Variants in ESRRG observed in about 807,000 individuals in gnomAD.
The protein encoded by ESRRG is estrogen related receptor gamma.
Under a neutral mutation model 44.0 loss-of-function variants are expected in ESRRG, and 13 were observed. That is an observed-to-expected ratio of 0.30 (90% CI 0.19 to 0.47). The LOEUF (loss-of-function observed/expected upper bound fraction) is 0.47, where lower values mean the gene tolerates loss of function less well. Ranked by LOEUF, ESRRG falls within the 20% of genes least tolerant of loss-of-function variation. ESRRG has a pLI of 1.00. For synonymous variants in ESRRG, 215 were observed against 214.6 expected, an observed-to-expected ratio of 1.00 and a Z score of -0.02; for missense variants, 395 against 580.6, an observed-to-expected ratio of 0.68 and a Z score of 3.29.
chr1:216,740,216 A>T (rs115696129), intron 2 of ESRRG, among the ~76,000 whole-genome samples: 3,336 of 152,354 alleles, frequency 0.022, 125 homozygotes, highest in African/African-American at 0.076. Context: ...AGGCTAAATC[A>T]GTTTACAAAA....
intron 1 of ESRRG, among the ~76,000 whole-genome samples, chr1:216,719,038 A>C (rs2085555182): frequency 6.6e-6 from 1 of 152,058 alleles, no homozygotes; most frequent in East Asian, 1.9e-4. Context: ...CAAAACCTTC[A>C]GTGCTTAACA....
chr1:216,926,855 G>GGAATGCTGAATGCTGAATGCT (rs545822967), intron 2 of ESRRG, among the ~76,000 whole-genome samples: 1 of 152,080 alleles, frequency 6.6e-6, no homozygotes, highest in Non-Finnish European at 1.5e-5. Context: ...AGCGCCGGGT[G>GGAATGCTGAATGCTGAATGCT]GAATGCTGAA....
At chr1:216,681,450 C>A (rs948319192) in intron 1 of ESRRG, among the ~76,000 whole-genome samples, 2 of 152,258 alleles carry the variant, frequency 1.3e-5, no homozygotes, top group East Asian at 1.9e-4. Context: ...CTGCTCCCCC[C>A]ACCCGACAAC....
intron 1 of ESRRG, chr1:216,714,425 T>TC: frequency 5.7e-6 from 1 of 174,420 alleles, no homozygotes; most frequent in Non-Finnish European, 1.1e-5. Flanking sequence ...TAGCAGGCAT[T>TC]CCCCCCACAC....
At chr1:216,880,570 A>C (rs1459626329) in intron 2 of ESRRG, among the ~76,000 whole-genome samples, 6 of 152,036 alleles carry the variant, frequency 3.9e-5, no homozygotes, top group Admixed American at 3.9e-4. Context: ...TGCATTCATA[A>C]TTTTCTAACA....
At chr1:216,904,874 G>C (rs867137439) in intron 2 of ESRRG, among the ~76,000 whole-genome samples, 1 of 152,150 alleles carries the variant, frequency 6.6e-6, no homozygotes, top group South Asian at 2.1e-4. Context: ...GCACGAAACA[G>C]AAAGTTACCC....
rs573149082 is a variant in ESRRG at position 216,762,311 on chromosome 1, T to C, written c.-13-84820A>G. 2.4e-3 allele frequency among the ~76,000 whole-genome samples: 371 copies of C among 151,994 alleles called. 1 individual carries two copies. Among genetic ancestry groups the C allele is most frequent in the African/African-American group, 8.7e-3 (360 of 41,450 alleles). ...CAAAGACTTGGAACCAACCCAAATGTCCAACAATGATAGACTGGATTAAGA... is the reference window on the plus strand; with the variant it reads ...CAAAGACTTGGAACCAACCCAAATGCCCAACAATGATAGACTGGATTAAGA... On this transcript the variant is annotated intron_variant, in intron 2 of 7. Transcript: ENST00000359162.
At chr1:216,704,251 C>T (rs539484482) in intron 1 of ESRRG, among the ~76,000 whole-genome samples, 150 of 152,230 alleles carry the variant, frequency 9.9e-4, no homozygotes, top group African/African-American at 3.2e-3. Context: ...CGGTGGCTCA[C>T]GCTTGTAATC....
At chr1:216,838,809 C>A (rs911614158) in intron 2 of ESRRG, among the ~76,000 whole-genome samples, 1 of 152,136 alleles carries the variant, frequency 6.6e-6, no homozygotes, top group African/African-American at 2.4e-5. Context: ...GTCTAAAAAA[C>A]AGTTTTAAAA....
At chr1:216,923,513 C>T (rs549046310) in intron 2 of ESRRG, among the ~76,000 whole-genome samples, 1 of 152,162 alleles carries the variant, frequency 6.6e-6, no homozygotes, top group East Asian at 1.9e-4. Context: ...AACCATGGTG[C>T]CTGTTACTCC....
chr1:216,700,428 T>G (rs1559300414), intron 1 of ESRRG, among the ~76,000 whole-genome samples: 1 of 152,168 alleles, frequency 6.6e-6, no homozygotes, highest in Non-Finnish European at 1.5e-5. Flanking sequence ...ATTCAGTTGA[T>G]TTAACCTGTC....
intron 1 of ESRRG, among the ~76,000 whole-genome samples, chr1:217,080,987 G>A (rs930117410): frequency 1.3e-5 from 2 of 151,666 alleles, no homozygotes; most frequent in African/African-American, 2.4e-5. Flanking sequence ...CCAGTTTCTA[G>A]GTTTAACAGT....
chr1:217,031,033 A>T (rs12750129), intron 1 of ESRRG, among the ~76,000 whole-genome samples: 10 of 152,142 alleles, frequency 6.6e-5, no homozygotes, highest in Non-Finnish European at 1.0e-4. Flanking sequence ...TTGCACAGCC[A>T]TGCTCTAAAG....
chr1:216,579,696 G>A (rs1328681494), intron 3 of ESRRG, among the ~76,000 whole-genome samples: 1 of 152,132 alleles, frequency 6.6e-6, no homozygotes, highest in African/African-American at 2.4e-5. Flanking sequence ...TGCCAGTCTA[G>A]TCAACATGAT....
chr1:216,553,814 G>GA lies in ESRRG; in HGVS notation c.862+10404dup, dbSNP rs960580233. On this transcript the variant is annotated intron_variant, in intron 5 of 6. Coordinates refer to ENST00000408911, the MANE Select transcript of ESRRG (RefSeq NM_001438.4). The stretch of plus-strand genomic sequence containing the variant: ...ATATCATTCCTGACACTCGCTATAG[G>GA]AAAAAAAAATAACCTGGCAAAAATT... Among the ~76,000 whole-genome samples the GA allele has an allele frequency of 3.1e-4, 46 of 149,878 alleles. 1 individual carries two copies. The highest frequency in any genetic ancestry group is 1.1e-3 in the African/African-American group (43 of 40,872).
upstream of ESRRG, among the ~76,000 whole-genome samples, chr1:217,094,332 T>G (rs1417773464): frequency 2.0e-5 from 3 of 152,240 alleles, no homozygotes; most frequent in Non-Finnish European, 4.4e-5. Context: ...GGATCCAACC[T>G]ATTTTGCCTT....
At chr1:216,692,224 G>A (rs927620219) in intron 1 of ESRRG, among the ~76,000 whole-genome samples, 19 of 151,986 alleles carry the variant, frequency 1.3e-4, no homozygotes, top group Admixed American at 7.2e-4. Flanking sequence ...GCATGCTACC[G>A]CCCTGAAGAC....
chr1:216,768,500 A>ATC (rs1559559104), intron 2 of ESRRG, among the ~76,000 whole-genome samples: 1 of 128,168 alleles, frequency 7.8e-6, no homozygotes, highest in East Asian at 2.3e-4. Context: ...CTATCTATCT[A>ATC]TATTTTAGAG....
chr1:216,791,132 C>T (rs2094306220), intron 2 of ESRRG, among the ~76,000 whole-genome samples: 1 of 152,132 alleles, frequency 6.6e-6, no homozygotes, highest in South Asian at 2.1e-4. Context: ...TTTTCCCCAA[C>T]CAAATCTCAT....
Sources: gnomAD v4.1 joint callset for allele counts (sites outside exome capture counted in the v4.1 genomes callset) on GRCh38, gnomAD v4.1.1 for gene constraint, MANE v1.5 for transcripts, NCBI Gene and HGNC (gene_info 2026-07-23, HGNC 2026-07-21) for gene names.